Variants in MSRA observed in about 807,000 individuals in gnomAD.
The protein encoded by MSRA is methionine sulfoxide reductase A.
Under a neutral mutation model 31.3 loss-of-function variants are expected in MSRA, and 54 were observed. The observed-to-expected ratio is 1.73, with a 90% confidence interval of 1.39 to 2.17. The LOEUF (loss-of-function observed/expected upper bound fraction) is 2.17. MSRA is among the 30% of genes most tolerant of loss of function. MSRA has a pLI of 0.00. For synonymous variants in MSRA, 169 were observed against 116.5 expected, an observed-to-expected ratio of 1.45 and a Z score of -2.90; for missense variants, 507 against 300.9, an observed-to-expected ratio of 1.69 and a Z score of -5.07.
chr8:10,153,107 C>T (rs77913353), intron 1 of MSRA, among the ~76,000 whole-genome samples: 10,271 of 152,106 alleles, frequency 0.068, 398 homozygotes, highest in African/African-American at 0.11. Flanking sequence ...ATGTACTTAC[C>T]ACTACTGAGC....
chr8:10,190,606 T>C (rs1244138665), intron 1 of MSRA, among the ~76,000 whole-genome samples: 3 of 152,238 alleles, frequency 2.0e-5, no homozygotes, highest in African/African-American at 7.2e-5. Context: ...GCACTTTCTG[T>C]CAGTCCGTGT....
At chr8:10,120,468 C>G (rs1257558943) in intron 1 of MSRA, among the ~76,000 whole-genome samples, 1 of 152,204 alleles carries the variant, frequency 6.6e-6, no homozygotes, top group African/African-American at 2.4e-5. Flanking sequence ...TAAGGACCAG[C>G]TCTCTGTGTA....
Position 10,151,420 on chromosome 8 carries a change from G to A in MSRA, c.143-56413G>A, listed in dbSNP as rs1178548836. 2.0e-5 allele frequency among the ~76,000 whole-genome samples: 3 copies of A among 151,934 alleles called. No homozygotes were observed. The East Asian group carries it at 5.8e-4, about 29-fold the overall frequency. ...GCATTTTGGGAGGCTGAGGTGGGCGGATCATGAGGTCAGGATATCGAGACC... is the reference window on the plus strand; with the variant it reads ...GCATTTTGGGAGGCTGAGGTGGGCGAATCATGAGGTCAGGATATCGAGACC... On this transcript the variant is annotated intron_variant, in intron 1 of 5. Transcript: ENST00000317173.
intron 3 of MSRA, chr8:10,250,711 C>T (rs958325647): frequency 4.6e-5 from 24 of 517,170 alleles, no homozygotes; most frequent in Non-Finnish European, 7.9e-5. Context: ...ATGGAACTGA[C>T]TGTATGGTCT....
chr8:10,099,588 C>G (rs1046252763), intron 1 of MSRA, among the ~76,000 whole-genome samples: 1 of 152,190 alleles, frequency 6.6e-6, no homozygotes. Context: ...AGTGGCGAAC[C>G]AGAGTATTAG....
At chr8:10,325,559 T>A (rs773035647) in intron 5 of MSRA, among the ~76,000 whole-genome samples, 4 of 152,230 alleles carry the variant, frequency 2.6e-5, no homozygotes, top group Non-Finnish European at 5.9e-5. Context: ...GAGGCCCTTT[T>A]AAGTTTTGAA....
intron 1 of MSRA, among the ~76,000 whole-genome samples, chr8:10,196,025 G>T (rs184339164): frequency 6.6e-6 from 1 of 152,174 alleles, no homozygotes; most frequent in Non-Finnish European, 1.5e-5. Context: ...CATTACCTCC[G>T]ATCATTTATC....
At chr8:10,122,374 A>G (rs1223112229) in intron 1 of MSRA, among the ~76,000 whole-genome samples, 1 of 152,168 alleles carries the variant, frequency 6.6e-6, no homozygotes, top group African/African-American at 2.4e-5. Flanking sequence ...AGCTGTCCCC[A>G]AGTCATGGCA....
intron 1 of MSRA, among the ~76,000 whole-genome samples, chr8:10,107,008 T>C (rs1186131972): frequency 6.6e-6 from 1 of 152,156 alleles, no homozygotes; most frequent in Non-Finnish European, 1.5e-5. Flanking sequence ...ATTATTCATT[T>C]AGTCTCTGAG....
chr8:10,302,417 C>T (rs1800896834), intron 4 of MSRA, among the ~76,000 whole-genome samples: 1 of 152,226 alleles, frequency 6.6e-6, no homozygotes, highest in Non-Finnish European at 1.5e-5. Flanking sequence ...CACAAACCCT[C>T]TTCATTTGGC....
intron 5 of MSRA, among the ~76,000 whole-genome samples, chr8:10,399,387 C>T (rs1807301217): frequency 6.6e-6 from 1 of 152,188 alleles, no homozygotes; most frequent in Non-Finnish European, 1.5e-5. Context: ...GGTATAGGAT[C>T]AGGGGACAGA....
chr8:10,330,055 A>T (rs1303129497), intron 5 of MSRA, among the ~76,000 whole-genome samples: 1 of 139,346 alleles, frequency 7.2e-6, no homozygotes, highest in Non-Finnish European at 1.6e-5. Context: ...ATCAAAAAGC[A>T]TTTGGATGTT....
At chr8:10,109,612 A>C (rs931761163) in intron 1 of MSRA, among the ~76,000 whole-genome samples, 1 of 152,136 alleles carries the variant, frequency 6.6e-6, no homozygotes, top group Non-Finnish European at 1.5e-5. Flanking sequence ...AAAGTGCTGG[A>C]ATTATAGGTG....
rs188380892 is a variant in MSRA at position 10,114,973 on chromosome 8, T to C, written c.142+60315T>C. ...AAACAATAACAATGATAGGGACTTA[T>C]TTACCAGATATTAAAACATACTATA... On this transcript the variant is annotated intron_variant, in intron 1 of 5. Transcript: ENST00000317173. Among the ~76,000 whole-genome samples the C allele has an allele frequency of 4.5e-4, 69 of 152,322 alleles. 1 individual carries two copies. Among genetic ancestry groups the C allele is most frequent in the Middle Eastern group, 6.8e-3 (2 of 294 alleles).
intron 3 of MSRA, among the ~76,000 whole-genome samples, chr8:10,259,983 C>G (rs560104663): frequency 6.6e-6 from 1 of 152,252 alleles, no homozygotes; most frequent in East Asian, 1.9e-4. Flanking sequence ...AACACAGACG[C>G]TCCAGAGAAG....
At chr8:10,098,230 A>G (rs1207944366) in intron 1 of MSRA, among the ~76,000 whole-genome samples, 3 of 152,164 alleles carry the variant, frequency 2.0e-5, no homozygotes, top group Non-Finnish European at 4.4e-5. Context: ...TTGATTGTAA[A>G]TGAACCCTAT....
At chr8:10,067,998 G>A (rs768115810) in intron 1 of MSRA, among the ~76,000 whole-genome samples, 3 of 147,124 alleles carry the variant, frequency 2.0e-5, no homozygotes, top group South Asian at 2.2e-4. Flanking sequence ...ATACTCATGC[G>A]TCAGCTTCCT....
chr8:10,250,355 C>T (rs2129085781), intron 3 of MSRA: 2 of 695,570 alleles, frequency 2.9e-6, no homozygotes. Flanking sequence ...ATACAAATAC[C>T]CCATTTCTGG....
At chr8:10,316,173 G>A (rs1378159729) in intron 4 of MSRA, among the ~76,000 whole-genome samples, 1 of 151,794 alleles carries the variant, frequency 6.6e-6, no homozygotes, top group African/African-American at 2.4e-5. Flanking sequence ...TTGTGTGGCT[G>A]TCTTCCTTTT....
Sources: allele counts gnomAD v4.1 joint callset (sites outside exome capture counted in the v4.1 genomes callset), GRCh38; gene constraint gnomAD v4.1.1; transcripts MANE v1.5; gene names NCBI Gene and HGNC (gene_info 2026-07-23, HGNC 2026-07-21).